Variants in SMARCC1 observed in about 807,000 individuals in gnomAD.
SMARCC1 encodes SWI/SNF related BAF chromatin remodeling complex subunit C1.
In SMARCC1, 43 loss-of-function variants were observed where a neutral mutation model predicts 147.4. The ratio of observed to expected loss-of-function variants is 0.29; its 90% CI spans 0.23 to 0.38. The LOEUF is 0.38. SMARCC1 is among the 10% of genes least tolerant of loss of function. The pLI is 1.00. For missense variants in SMARCC1, 1,119 were observed against 1,381.1 expected, an observed-to-expected ratio of 0.81 and a Z score of 3.01; for synonymous variants, 495 against 484.4, an observed-to-expected ratio of 1.02 and a Z score of -0.29.
intron 9 of SMARCC1, among the ~76,000 whole-genome samples, chr3:47,710,136 G>C (rs1278411251): frequency 6.6e-6 from 1 of 152,076 alleles, no homozygotes; most frequent in Non-Finnish European, 1.5e-5. Flanking sequence ...GGCCAACATG[G>C]AGAAACCCTG....
At chr3:47,763,902 T>G (rs1208602375) in intron 2 of SMARCC1, among the ~76,000 whole-genome samples, 1 of 151,220 alleles carries the variant, frequency 6.6e-6, no homozygotes, top group Non-Finnish European at 1.5e-5. Context: ...TTTTATTTTT[T>G]GTAGACGGCT....
intron 21 of SMARCC1, among the ~76,000 whole-genome samples, chr3:47,650,257 C>CA (rs1242210696): frequency 6.8e-6 from 1 of 148,136 alleles, no homozygotes. Context: ...GCCTGGGCGA[C>CA]AGAGCGAGAC....
At chr3:47,692,406 T>C (rs2033801076) in intron 12 of SMARCC1, among the ~76,000 whole-genome samples, 1 of 152,234 alleles carries the variant, frequency 6.6e-6, no homozygotes, top group Admixed American at 6.5e-5. Flanking sequence ...GCTTACAAAG[T>C]ATTAACACTC....
intron 18 of SMARCC1, among the ~76,000 whole-genome samples, chr3:47,672,938 C>CT (rs1326643132): frequency 2.0e-5 from 3 of 152,034 alleles, no homozygotes; most frequent in African/African-American, 7.2e-5. Context: ...GCCACCATGT[C>CT]TGGCTAGTTT....
intron 4 of SMARCC1, among the ~76,000 whole-genome samples, chr3:47,737,725 G>A (rs2034461004): frequency 6.6e-6 from 1 of 151,820 alleles, no homozygotes; most frequent in Non-Finnish European, 1.5e-5. Flanking sequence ...GCGCAATCTC[G>A]GCTCACTGCA....
intron 21 of SMARCC1, among the ~76,000 whole-genome samples, chr3:47,645,618 C>A (rs141468456): frequency 6.6e-6 from 1 of 152,152 alleles, no homozygotes; most frequent in African/African-American, 2.4e-5. Flanking sequence ...AGATTAAGCA[C>A]AAATTACTTG....
chr3:47,632,720 C>A (rs2032908893), intron 24 of SMARCC1, among the ~76,000 whole-genome samples: 1 of 151,946 alleles, frequency 6.6e-6, no homozygotes, highest in African/African-American at 2.4e-5. Flanking sequence ...TCCGAAAAAG[C>A]TTAGATAGAG....
intron 2 of SMARCC1, among the ~76,000 whole-genome samples, chr3:47,756,020 A>C (rs1390012846): frequency 2.0e-5 from 2 of 100,776 alleles, no homozygotes; most frequent in African/African-American, 7.6e-5. Flanking sequence ...AAAAAAAAAA[A>C]GGCTGGGCGT....
chr3:47,756,130 C>T (rs552487848), intron 2 of SMARCC1, among the ~76,000 whole-genome samples: 3 of 151,876 alleles, frequency 2.0e-5, no homozygotes, highest in South Asian at 4.2e-4. Flanking sequence ...GCCAAGATCG[C>T]GCCATTGCAC....
At chr3:47,768,421 A>T (rs1056243022) in intron 2 of SMARCC1, among the ~76,000 whole-genome samples, 1 of 152,174 alleles carries the variant, frequency 6.6e-6, no homozygotes, top group Non-Finnish European at 1.5e-5. Context: ...CTGGAACTAA[A>T]TAATGGTTTA....
intron 21 of SMARCC1, among the ~76,000 whole-genome samples, chr3:47,654,609 A>G (rs2033234248): frequency 6.6e-6 from 1 of 152,220 alleles, no homozygotes. Context: ...AGTTCCACAG[A>G]CTTAGAAGTT....
chr3:47,641,962 T>C (rs1202928675), intron 21 of SMARCC1, among the ~76,000 whole-genome samples: 3 of 152,062 alleles, frequency 2.0e-5, no homozygotes, highest in Non-Finnish European at 2.9e-5. Flanking sequence ...TTGATAGAGA[T>C]GGTAGTTTCA....
At chr3:47,710,659 G>A (rs558122558) in intron 9 of SMARCC1, 24 bp downstream of exon 9, 2 of 1,610,276 alleles carry the variant, frequency 1.2e-6, no homozygotes, top group South Asian at 1.1e-5. Context: ...ACTTAATGAT[G>A]AGAAACTGTG....
chr3:47,740,512 T>G (rs901578049), intron 3 of SMARCC1, among the ~76,000 whole-genome samples: 1 of 151,866 alleles, frequency 6.6e-6, no homozygotes, highest in East Asian at 1.9e-4. Flanking sequence ...GGCTAATTTT[T>G]GTATTTTTAG....
Position 47,678,331 on chromosome 3 carries a change from T to G in SMARCC1, c.1458-20A>C, listed in dbSNP as rs181688678. 7 of 1,300,028 alleles carry G rather than the reference T, an allele frequency of 5.4e-6. No homozygotes were observed. The highest frequency in any genetic ancestry group is 7.7e-6 in the Non-Finnish European group (7 of 907,930). The allele number at this position is 1,300,028 out of a possible 1,614,324, so 80.5% of individuals were successfully genotyped here. On this transcript the variant is annotated intron_variant, in intron 15 of 27. Coordinates refer to ENST00000254480, the MANE Select transcript of SMARCC1 (RefSeq NM_003074.4). ...AAGTATCTAAAAAGCAATGGCAAAA[T>G]TCATAAGGTGGACATGTATCCTCTC...
chr3:47,642,889 C>G (rs1012710598), intron 21 of SMARCC1, among the ~76,000 whole-genome samples: 3 of 152,008 alleles, frequency 2.0e-5, no homozygotes, highest in Non-Finnish European at 2.9e-5. Flanking sequence ...CTATAAGAAA[C>G]AAACAAACAA....
intron 4 of SMARCC1, 68 bp from the exon 5 acceptor site, chr3:47,736,194 T>C: frequency 1.2e-6 from 1 of 819,326 alleles, no homozygotes; most frequent in Non-Finnish European, 1.9e-6. Context: ...ATTTATGCAA[T>C]ATACAAACCA....
chr3:47,724,743 G>C (rs886563553), intron 6 of SMARCC1, among the ~76,000 whole-genome samples: 8 of 152,092 alleles, frequency 5.3e-5, no homozygotes, highest in African/African-American at 1.9e-4. Context: ...AGTTCTGCCA[G>C]ATGAAAAAGT....
chr3:47,682,740 T>G (rs559101071), intron 14 of SMARCC1, among the ~76,000 whole-genome samples: 28 of 152,324 alleles, frequency 1.8e-4, no homozygotes, highest in African/African-American at 6.3e-4. Context: ...TGTTTACTAT[T>G]TAGTATGTCA....
Sources: gnomAD v4.1 joint callset for allele counts (sites outside exome capture counted in the v4.1 genomes callset) on GRCh38, gnomAD v4.1.1 for gene constraint, MANE v1.5 for transcripts, NCBI Gene and HGNC (gene_info 2026-07-23, HGNC 2026-07-21) for gene names.